SLC24A2: variants seen among roughly 807,000 people sequenced by gnomAD.
SLC24A2 encodes the protein solute carrier family 24 member 2, also known as sodium/potassium/calcium exchanger 2.
Under a neutral mutation model 62.0 loss-of-function variants are expected in SLC24A2, and 36 were observed. That is an observed-to-expected ratio of 0.58 (90% CI 0.44 to 0.77). The LOEUF is 0.77. Ranked by LOEUF, SLC24A2 falls within the 30% of genes least tolerant of loss-of-function variation. The probability of loss-of-function intolerance (pLI) is 0.00; values close to 1 mark genes in which losing one functional copy is unlikely to be tolerated. For missense variants in SLC24A2, 846 were observed against 817.9 expected, an observed-to-expected ratio of 1.03 and a Z score of -0.42; for synonymous variants, 358 against 294.0, an observed-to-expected ratio of 1.22 and a Z score of -2.23.
At chr9:20,200,294 A>G in the SLC24A2 span, among the ~76,000 whole-genome samples, 1 of 152,158 alleles carries the variant, frequency 6.6e-6, no homozygotes. Context: ...ATGTGGAGAT[A>G]TTGGGAGTCA....
the SLC24A2 span, among the ~76,000 whole-genome samples, chr9:19,882,896 C>T: frequency 6.6e-6 from 1 of 152,128 alleles, no homozygotes; most frequent in Non-Finnish European, 1.5e-5. Context: ...TGCAGGATTC[C>T]TTTTAGAGCT....
intron 2 of SLC24A2, among the ~76,000 whole-genome samples, chr9:19,641,849 T>A (rs1049462028): frequency 6.6e-6 from 1 of 152,236 alleles, no homozygotes; most frequent in Non-Finnish European, 1.5e-5. Context: ...ACTCAGCTGT[T>A]CAAGCCAAAA....
the SLC24A2 span, among the ~76,000 whole-genome samples, chr9:20,028,018 G>C: frequency 1.3e-5 from 2 of 152,126 alleles, no homozygotes; most frequent in South Asian, 4.1e-4. Flanking sequence ...TGTTTAGGAA[G>C]CCAGAACCAT....
chr9:19,510,969 G>A lies in SLC24A2; in HGVS notation c.*5184C>T, dbSNP rs1832693839. ...GCCTCTGTGGAGTTTGGGTGGTTCT[G>A]AGCAAGGCTGGTGCCCCATGTGTGA... On this transcript the variant is annotated 3_prime_UTR_variant, in exon 11 of 11. Coordinates refer to ENST00000341998, the MANE Select transcript of SLC24A2 (RefSeq NM_020344.4). The A allele has an allele frequency of 6.6e-6, 1 of 152,236 alleles. No individual in the cohort carries two copies. Among genetic ancestry groups the A allele is most frequent in the Admixed American group, 6.5e-5 (1 of 15,280 alleles). 9.4% of individuals were successfully genotyped at this position (152,236 alleles called of 1,614,324 possible). A position where few individuals can be genotyped will look rare whatever the true frequency, so the allele number is the denominator to read the frequency against.
the SLC24A2 span, among the ~76,000 whole-genome samples, chr9:20,046,132 T>G: frequency 6.6e-6 from 1 of 152,212 alleles, no homozygotes; most frequent in Non-Finnish European, 1.5e-5. Flanking sequence ...TAAGTTATCT[T>G]TCATGGTGCT....
chr9:19,933,000 A>G, the SLC24A2 span, among the ~76,000 whole-genome samples: 1 of 152,226 alleles, frequency 6.6e-6, no homozygotes, highest in East Asian at 1.9e-4. Flanking sequence ...TTCTCTGGAA[A>G]GTGGTGGCCT....
intron 2 of SLC24A2, among the ~76,000 whole-genome samples, chr9:19,642,660 G>A (rs937271892): frequency 7.0e-6 from 1 of 143,544 alleles, no homozygotes; most frequent in African/African-American, 2.6e-5. Flanking sequence ...TGGTTTATAT[G>A]AGAGCGTATT....
At chr9:19,890,792 C>T in the SLC24A2 span, among the ~76,000 whole-genome samples, 7 of 152,232 alleles carry the variant, frequency 4.6e-5, no homozygotes, top group East Asian at 1.9e-4. Context: ...ACTACAGGCA[C>T]GTACCATCCC....
the SLC24A2 span, among the ~76,000 whole-genome samples, chr9:20,016,811 G>A: frequency 2.0e-5 from 3 of 152,260 alleles, no homozygotes; most frequent in East Asian, 3.9e-4. Context: ...GTTCTCTGAA[G>A]AGGAGAGTGA....
chr9:19,870,645 G>A, the SLC24A2 span, among the ~76,000 whole-genome samples: 4 of 152,064 alleles, frequency 2.6e-5, no homozygotes, highest in Non-Finnish European at 4.4e-5. Context: ...GTGGATTCTA[G>A]TTTCTAAACA....
intron 2 of SLC24A2, among the ~76,000 whole-genome samples, chr9:19,748,931 G>C (rs1821909487): frequency 6.6e-6 from 1 of 151,650 alleles, no homozygotes; most frequent in Non-Finnish European, 1.5e-5. Context: ...CCTCCTATCT[G>C]GAACAGGTTG....
chr9:19,669,265 G>A (rs543059430), intron 2 of SLC24A2, among the ~76,000 whole-genome samples: 28 of 152,258 alleles, frequency 1.8e-4, no homozygotes, highest in African/African-American at 5.3e-4. Flanking sequence ...GCTCCCTTGT[G>A]GTGCAGGAGG....
the SLC24A2 span, among the ~76,000 whole-genome samples, chr9:20,133,295 A>G: frequency 6.6e-6 from 1 of 152,114 alleles, no homozygotes; most frequent in Non-Finnish European, 1.5e-5. Flanking sequence ...TAAGCTCTTG[A>G]ATGATACACA....
intron 8 of SLC24A2, among the ~76,000 whole-genome samples, chr9:19,538,774 G>T (rs1301207640): frequency 7.7e-6 from 1 of 130,002 alleles, no homozygotes; most frequent in Non-Finnish European, 1.6e-5. Flanking sequence ...GTTTCAGAAG[G>T]AATGGTACCA....
At chr9:19,580,037 T>C (rs1363084000) in intron 5 of SLC24A2, among the ~76,000 whole-genome samples, 2 of 152,236 alleles carry the variant, frequency 1.3e-5, no homozygotes, top group East Asian at 3.8e-4. Flanking sequence ...ATGTTACTCT[T>C]TTCCCACTGC....
At chr9:19,939,143 G>A in the SLC24A2 span, among the ~76,000 whole-genome samples, 1 of 152,198 alleles carries the variant, frequency 6.6e-6, no homozygotes, top group Non-Finnish European at 1.5e-5. Flanking sequence ...TAACAGAATG[G>A]AGGATATAAG....
the SLC24A2 span, among the ~76,000 whole-genome samples, chr9:19,830,668 T>G: frequency 6.6e-6 from 1 of 152,104 alleles, no homozygotes; most frequent in Non-Finnish European, 1.5e-5. Context: ...AGCTCTGCAG[T>G]GTGGCAGATC....
the SLC24A2 span, among the ~76,000 whole-genome samples, chr9:20,054,143 G>C: frequency 2.0e-5 from 3 of 151,770 alleles, no homozygotes; most frequent in Non-Finnish European, 4.4e-5. Flanking sequence ...CTTTAATGGT[G>C]ATTTCTAGTT....
Position 19,644,108 on chromosome 9 carries a change from T to C in SLC24A2, c.931-21809A>G, listed in dbSNP as rs1265653026. Among the ~76,000 whole-genome samples, 7 of 152,224 alleles carry C rather than the reference T, an allele frequency of 4.6e-5. No homozygotes were observed. In the East Asian group the frequency reaches 7.7e-4, roughly 17 times the overall value. On this transcript the variant is annotated intron_variant, in intron 2 of 10. Coordinates refer to ENST00000341998, the MANE Select transcript of SLC24A2 (RefSeq NM_020344.4). Reference sequence around the variant, plus strand: ...TGTGAACTTATAGCTTAGTGAGTAATAGCATCTCCCATTGAAAGGAAAAGA... The same window carrying C: ...TGTGAACTTATAGCTTAGTGAGTAACAGCATCTCCCATTGAAAGGAAAAGA...
Sources: gnomAD v4.1 joint callset for allele counts (sites outside exome capture counted in the v4.1 genomes callset) on GRCh38, gnomAD v4.1.1 for gene constraint, MANE v1.5 for transcripts, NCBI Gene and HGNC (gene_info 2026-07-23, HGNC 2026-07-21) for gene names.